The following KLHL6 variants were observed in gnomAD, a reference collection of about 807,000 sequenced individuals.
The protein encoded by KLHL6 is kelch like family member 6.
KLHL6 carries 41 observed loss-of-function variants against 58.6 expected under a neutral mutation model. That is an observed-to-expected ratio of 0.70 (90% CI 0.55 to 0.91). KLHL6 has a LOEUF of 0.91. Ranked by LOEUF, KLHL6 falls within the 40% of genes least tolerant of loss-of-function variation. KLHL6 has a pLI of 0.00. For synonymous variants in KLHL6, 338 were observed against 322.7 expected (o/e 1.05, Z -0.51); for missense variants, 714 against 805.6 (o/e 0.89, Z 1.38).
At chr3:183,519,165 A>T (rs537507346) in intron 2 of KLHL6, among the ~76,000 whole-genome samples, 1 of 152,264 alleles carries the variant, frequency 6.6e-6, no homozygotes, top group African/African-American at 2.4e-5. Flanking sequence ...CTGGATTTGT[A>T]AAGGAGAGGG....
At chr3:183,518,489 G>A (rs1041693956) in intron 2 of KLHL6, among the ~76,000 whole-genome samples, 3 of 152,124 alleles carry the variant, frequency 2.0e-5, no homozygotes, top group Admixed American at 2.0e-4. Context: ...GTAATTTGTG[G>A]TAGTTAGGGA....
chr3:183,538,103 C>T (rs1385020252), intron 1 of KLHL6, among the ~76,000 whole-genome samples: 1 of 152,110 alleles, frequency 6.6e-6, no homozygotes, highest in Non-Finnish European at 1.5e-5. Flanking sequence ...GGCCCTCCAC[C>T]GCCACTAGGG....
intron 1 of KLHL6, among the ~76,000 whole-genome samples, chr3:183,553,561 G>C (rs925184326): frequency 2.6e-5 from 4 of 152,230 alleles, no homozygotes; most frequent in Non-Finnish European, 5.9e-5. Flanking sequence ...TGCAGTCAAC[G>C]TGAAAGCACG....
intron 1 of KLHL6, 56 bp from the exon 2 acceptor site, chr3:183,528,066 A>T: frequency 6.3e-7 from 1 of 1,596,198 alleles, no homozygotes; most frequent in South Asian, 1.1e-5. Context: ...TCCAGGCCTA[A>T]AGAGATCCCC....
At chr3:183,515,952 A>T (rs1220921478) in intron 2 of KLHL6, among the ~76,000 whole-genome samples, 4 of 152,258 alleles carry the variant, frequency 2.6e-5, no homozygotes, top group Non-Finnish European at 4.4e-5. Context: ...TTTATTTAAC[A>T]GGTAAAAAAG....
In KLHL6 at chr3:183,492,271, C is replaced by G; in HGVS notation, c.1565-43G>C. On this transcript the variant is annotated intron_variant, in intron 6 of 6. Transcript: ENST00000341319. The surrounding 1 kb of genome is among the most constrained non-coding windows in gnomAD (Gnocchi z 5.9). ...ACACGGTGGGCATCGCTCCATTTTT[C>G]TGGTTTCTTCCCTCTTAACCACTAA... 1 of 1,510,314 alleles carries G rather than the reference C, an allele frequency of 6.6e-7. No individual in the cohort carries two copies. Among genetic ancestry groups the G allele is most frequent in the Non-Finnish European group, 8.9e-7 (1 of 1,122,226 alleles). 93.6% of individuals were successfully genotyped at this position (1,510,314 alleles called of 1,614,324 possible).
rs1025032089 is a variant in KLHL6, at chr3:183,489,626, A to G, written c.*2301T>C. The G allele has an allele frequency of 2.6e-5, 4 of 152,288 alleles. No individual in the cohort carries two copies. The East Asian group carries it at 7.7e-4, about 29-fold the overall frequency. The allele number at this position is 152,288 out of a possible 1,614,324, so 9.4% of individuals were successfully genotyped here. ...CATTGCTTCAGTTGGGAGCTTCCTG[A>G]TGGTTATTATAGTGCTCATGAGTCA... On this transcript the variant is annotated 3_prime_UTR_variant, in exon 7 of 7. Coordinates refer to ENST00000341319, the MANE Select transcript of KLHL6 (RefSeq NM_130446.4).
chr3:183,541,599 G>A (rs1195809104), intron 1 of KLHL6, among the ~76,000 whole-genome samples: 1 of 152,148 alleles, frequency 6.6e-6, no homozygotes, highest in African/African-American at 2.4e-5. Flanking sequence ...CAGCTACTTG[G>A]GAGGCCAAGG....
chr3:183,506,722 G>A (rs1220424229), intron 3 of KLHL6, among the ~76,000 whole-genome samples: 3 of 152,170 alleles, frequency 2.0e-5, no homozygotes. Context: ...CAGCTACTTG[G>A]ATGGCTGAGG....
chr3:183,493,920 A>G, intron 5 of KLHL6, 159 bp downstream of exon 5: 1 of 688,512 alleles, frequency 1.5e-6, no homozygotes, highest in Admixed American at 2.4e-5. Context: ...CTGAAGCAAT[A>G]GCTCCTAGGA....
chr3:183,534,835 A>C (rs1003647558), intron 1 of KLHL6, among the ~76,000 whole-genome samples: 1 of 151,872 alleles, frequency 6.6e-6, no homozygotes, highest in Non-Finnish European at 1.5e-5. Flanking sequence ...GATAACTTAC[A>C]TTCTTTTTCT....
At chr3:183,497,452 C>T (rs533193773) in intron 4 of KLHL6, among the ~76,000 whole-genome samples, 19 of 152,224 alleles carry the variant, frequency 1.2e-4, no homozygotes, top group Middle Eastern at 3.4e-3. Context: ...GTATATGTGA[C>T]AAAGACTGAC....
intron 2 of KLHL6, among the ~76,000 whole-genome samples, chr3:183,524,519 T>C (rs1404214634): frequency 3.9e-5 from 6 of 152,222 alleles, no homozygotes; most frequent in African/African-American, 1.4e-4. Flanking sequence ...GAAACTGTCC[T>C]GTTTCATGGC....
intron 1 of KLHL6, among the ~76,000 whole-genome samples, chr3:183,535,212 G>A (rs908106359): frequency 1.3e-5 from 2 of 152,146 alleles, no homozygotes; most frequent in East Asian, 3.9e-4. Flanking sequence ...CAAAGTGCTG[G>A]GATTACAGGC....
intron 1 of KLHL6, among the ~76,000 whole-genome samples, chr3:183,547,014 C>T (rs1183196684): frequency 1.3e-5 from 2 of 150,778 alleles, no homozygotes; most frequent in Admixed American, 6.7e-5. Flanking sequence ...CGGGTTCAAT[C>T]GATTCTCCGG....
rs11920624 is a variant in KLHL6 at position 183,541,011 on chromosome 3, G to A, written c.294-13001C>T. 8.6e-3 allele frequency among the ~76,000 whole-genome samples: 1,307 copies of A among 152,228 alleles called. 22 individuals carry two copies. The highest frequency in any genetic ancestry group is 0.03 in the African/African-American group (1,240 of 41,534). The stretch of plus-strand genomic sequence containing the variant: ...TTTCCACTTTCCACTCCCACCTCCA[G>A]GACTCTGTGGCTTCCCTGTGACCAT... On this transcript the variant is annotated intron_variant, in intron 1 of 6. Coordinates refer to ENST00000341319, the MANE Select transcript of KLHL6 (RefSeq NM_130446.4).
chr3:183,547,442 T>C (rs1712763977), intron 1 of KLHL6, among the ~76,000 whole-genome samples: 1 of 152,242 alleles, frequency 6.6e-6, no homozygotes. Context: ...TGTCTACCTT[T>C]TCTCACATGC....
chr3:183,539,383 T>A (rs1234675949), intron 1 of KLHL6, among the ~76,000 whole-genome samples: 1 of 152,160 alleles, frequency 6.6e-6, no homozygotes, highest in Admixed American at 6.5e-5. Context: ...GCTGCCCCGA[T>A]CTGACTCTAA....
rs111813676 is a variant in KLHL6 at position 183,499,171 on chromosome 3, G to A, written c.1147+419C>T. 6.6e-4 allele frequency among the ~76,000 whole-genome samples: 101 copies of A among 152,108 alleles called. No homozygotes were observed. The highest frequency in any genetic ancestry group is 2.4e-3 in the African/African-American group (98 of 41,494). On this transcript the variant is annotated intron_variant, in intron 4 of 6. Coordinates refer to ENST00000341319, the MANE Select transcript of KLHL6 (RefSeq NM_130446.4). The surrounding 1 kb of genome is among the most constrained non-coding windows in gnomAD (Gnocchi z 4.6). ...AGCCTGGCCAACATGGTGAAACCCC[G>A]TCTCTACTAAAAGTACAAAAATTAG... is the stretch of plus-strand genomic sequence containing the variant.
Sources: allele counts gnomAD v4.1 joint callset (sites outside exome capture counted in the v4.1 genomes callset), GRCh38; gene constraint gnomAD v4.1.1; non-coding constraint Gnocchi (gnomAD v3.1); transcripts MANE v1.5; gene names NCBI Gene and HGNC (gene_info 2026-07-23, HGNC 2026-07-21).